Variants in HDGFL2 observed in about 807,000 individuals in gnomAD.
The protein encoded by HDGFL2 is hepatoma-derived growth factor-related protein 2.
A neutral mutation model predicts 77.1 loss-of-function variants in HDGFL2; 36 were observed. The ratio of observed to expected loss-of-function variants is 0.47; its 90% CI spans 0.36 to 0.62. The LOEUF is 0.62. Ranked by LOEUF, HDGFL2 falls within the 20% of genes least tolerant of loss-of-function variation. HDGFL2 has a pLI of 0.00. For synonymous variants in HDGFL2, 463 were observed against 413.1 expected (o/e 1.12, Z -1.46); for missense variants, 976 against 973.4 (o/e 1.00, Z -0.04).
intron 3 of HDGFL2, among the ~76,000 whole-genome samples, chr19:4,488,032 G>A (rs1052199798): frequency 7.3e-5 from 11 of 151,712 alleles, no homozygotes; most frequent in African/African-American, 2.7e-4. Context: ...GTGCAGTGGC[G>A]TGATCTCGGC....
At chr19:4,491,275 CCA>C in intron 4 of HDGFL2, among the ~76,000 whole-genome samples, 1 of 117,050 alleles carries the variant, frequency 8.5e-6, no homozygotes, top group African/African-American at 3.2e-5. Context: ...CCCCACCCCC[CCA>C]CCCCCCCCGG....
chr19:4,479,927 T>A (rs1975171890), intron 3 of HDGFL2, among the ~76,000 whole-genome samples: 1 of 151,068 alleles, frequency 6.6e-6, no homozygotes, highest in Non-Finnish European at 1.5e-5. Flanking sequence ...AAAAAAAAAT[T>A]TGCTTAGATG....
chr19:4,475,724 T>C, intron 3 of HDGFL2, 141 bp downstream of exon 3: 1 of 1,051,116 alleles, frequency 9.5e-7, no homozygotes, highest in South Asian at 1.9e-5. Flanking sequence ...GCCCTGCAGG[T>C]GCTGAGCAGT....
chr19:4,497,980 C>G lies in HDGFL2; in HGVS notation c.1351C>G (p.Arg451Gly). 6.4e-7 allele frequency: 1 copy of G among 1,555,506 alleles called. No individual in the cohort carries two copies. The highest frequency in any genetic ancestry group is 1.2e-5 in the South Asian group (1 of 84,324). The change falls in exon 11 of 16, where the codon CGG (arginine) becomes GGG (glycine). Residue 451 changes from arginine (R) to glycine (G), a missense_variant. Physicochemically the swap from Arg to Gly is moderately radical, Grantham distance 125 (BLOSUM62 -2). Around this residue, in one of 5 missense-constraint regions of HDGFL2, gnomAD observed 567 missense variants for 534.7 expected, o/e 1.06. Coordinates refer to ENST00000616600, the MANE Select transcript of HDGFL2 (RefSeq NM_001001520.3). The part of the protein sequence containing the change: ...QAKPVKVERT[R>G]KRSEGFSMDR... The stretch of plus-strand genomic sequence containing the variant: ...CAGGCCCGTGAAGGTGGAGCGGACC[C>G]GGAAGCGGTCCGAGGGCTTCTCGAT...
At chr19:4,484,194 G>A (rs1477436654) in intron 3 of HDGFL2, among the ~76,000 whole-genome samples, 2 of 139,566 alleles carry the variant, frequency 1.4e-5, no homozygotes, top group Non-Finnish European at 3.1e-5. Context: ...AGTGATTCTC[G>A]TGCCTCAGCC....
At chr19:4,474,040 T>C (rs912589906) in intron 1 of HDGFL2, among the ~76,000 whole-genome samples, 7 of 151,486 alleles carry the variant, frequency 4.6e-5, no homozygotes, top group African/African-American at 1.7e-4. Context: ...GTCCCAGGTG[T>C]GGAGGGGGTG....
chr19:4,477,089 C>T (rs1975092370), intron 3 of HDGFL2, among the ~76,000 whole-genome samples: 1 of 152,202 alleles, frequency 6.6e-6, no homozygotes, highest in East Asian at 1.9e-4. Context: ...CTTTGTGGTT[C>T]CTGGTCCTGT....
chr19:4,479,244 G>A (rs1975150498), intron 3 of HDGFL2, among the ~76,000 whole-genome samples: 1 of 151,804 alleles, frequency 6.6e-6, no homozygotes, highest in South Asian at 2.1e-4. Flanking sequence ...AGGTCAGGAT[G>A]TCAAGATCAG....
chr19:4,477,364 C>T (rs1438147569), intron 3 of HDGFL2, among the ~76,000 whole-genome samples: 38 of 152,056 alleles, frequency 2.5e-4, no homozygotes, highest in Admixed American at 2.5e-3. Context: ...TCTCAGGGGG[C>T]CGGGGCCCAC....
At chr19:4,484,802 G>T (rs1374310903) in intron 3 of HDGFL2, among the ~76,000 whole-genome samples, 2 of 149,476 alleles carry the variant, frequency 1.3e-5, no homozygotes, top group Non-Finnish European at 3.0e-5. Flanking sequence ...CTCCCGAGTT[G>T]CTGGGACTAC....
At position 4,487,245 on chromosome 19, in the gene HDGFL2, C is replaced by T. The variant is rs187913315; in HGVS notation, c.289-1431C>T. 3.5e-4 allele frequency among the ~76,000 whole-genome samples: 54 copies of T among 152,178 alleles called. 1 individual carries two copies. Among genetic ancestry groups the T allele is most frequent in the Admixed American group, 3.1e-3 (48 of 15,258 alleles). On this transcript the variant is annotated intron_variant, in intron 3 of 15. Transcript: ENST00000616600. ...CCTCCCAAAGTGCTGGAATGACAGG[C>T]GTGAGCCACCGCACCCGGGTTCTCT...
intron 9 of HDGFL2, among the ~76,000 whole-genome samples, chr19:4,495,830 G>A (rs899262359): frequency 6.6e-5 from 10 of 152,122 alleles, no homozygotes; most frequent in African/African-American, 2.2e-4. Flanking sequence ...GTGGTGCTGC[G>A]GGCCCTGTCA....
intron 14 of HDGFL2, among the ~76,000 whole-genome samples, chr19:4,500,796 G>A (rs1224162012): frequency 1.3e-5 from 2 of 152,140 alleles, no homozygotes; most frequent in Non-Finnish European, 2.9e-5. Flanking sequence ...TGTAGAGACA[G>A]GGTTGCTGGC....
intron 3 of HDGFL2, 42 bp from the exon 4 acceptor site, chr19:4,488,634 A>G (rs926960229): frequency 2.1e-5 from 32 of 1,513,790 alleles, no homozygotes; most frequent in Non-Finnish European, 2.5e-5. Flanking sequence ...AAATCCACCC[A>G]CGACTGGTGG....
intron 3 of HDGFL2, among the ~76,000 whole-genome samples, chr19:4,488,028 T>A (rs1975406753): frequency 6.6e-6 from 1 of 152,112 alleles, no homozygotes; most frequent in African/African-American, 2.4e-5. Flanking sequence ...TGGAGTGCAG[T>A]GGCGTGATCT....
intron 14 of HDGFL2, among the ~76,000 whole-genome samples, chr19:4,500,229 G>A (rs1008745253): frequency 2.0e-5 from 3 of 152,222 alleles, no homozygotes; most frequent in African/African-American, 4.8e-5. Context: ...TGGGATGGGC[G>A]AGCTTGGGAT....
chr19:4,497,178 C>A, intron 10 of HDGFL2: 1 of 435,584 alleles, frequency 2.3e-6, no homozygotes. Flanking sequence ...TGGCTGCAGC[C>A]CACGTTTTTG....
intron 6 of HDGFL2, among the ~76,000 whole-genome samples, chr19:4,492,865 GGTGT>G (rs1214725719): frequency 8.3e-4 from 117 of 140,184 alleles, no homozygotes; most frequent in Middle Eastern, 4.2e-3. Context: ...GTGTGTGTGT[GGTGT>G]GTGTGGTGTG....
chr19:4,494,408 G>A lies in HDGFL2; in HGVS notation c.1157G>A (p.Arg386His), dbSNP rs1310303464. Reference protein sequence around the residue: ...EDDEPVKKRGRKGRGRGPPSS... With the variant: ...EDDEPVKKRGHKGRGRGPPSS... ...GATGAGCCCGTCAAGAAGCGGGGAC[G>A]CAAGGGCCGGGGCCGGGGTCCCCCG... is the stretch of plus-strand genomic sequence containing the variant. The change falls in exon 9 of 16, where the codon CGC (arginine) becomes CAC (histidine). Residue 386 changes from arginine (R) to histidine (H), a missense_variant. By Grantham distance (29) the Arg-to-His change is conservative. This residue lies in a region of HDGFL2 where 567 missense variants were observed against 534.7 expected (regional missense o/e 1.06). Coordinates refer to ENST00000616600, the MANE Select transcript of HDGFL2 (RefSeq NM_001001520.3). 3 of 1,406,234 alleles carry A rather than the reference G, an allele frequency of 2.1e-6. No homozygotes were observed. Among genetic ancestry groups the A allele is most frequent in the Non-Finnish European group, 1.8e-6 (2 of 1,085,002 alleles). The allele number at this position is 1,406,234 out of a possible 1,614,324, so 87.1% of individuals were successfully genotyped here.
Sources: allele counts gnomAD v4.1 joint callset (sites outside exome capture counted in the v4.1 genomes callset), GRCh38; gene constraint gnomAD v4.1.1; regional missense constraint gnomAD v4.1.1; transcripts MANE v1.5; gene names NCBI Gene and HGNC (gene_info 2026-07-23, HGNC 2026-07-21).